Variants in SIN3A observed in about 807,000 individuals in gnomAD.
SIN3A encodes SIN3 transcription regulator family member A, also known as paired amphipathic helix protein Sin3a.
A neutral mutation model predicts 146.1 loss-of-function variants in SIN3A; 14 were observed. The observed-to-expected ratio is 0.10, with a 90% CI of 0.06 to 0.15. The LOEUF (loss-of-function observed/expected upper bound fraction) is 0.15. SIN3A is among the 10% of genes least tolerant of loss of function. SIN3A has a pLI of 1.00. For missense variants in SIN3A, 1,028 were observed against 1,576.0 expected, an observed-to-expected ratio of 0.65 and a Z score of 5.89; for synonymous variants, 572 against 572.0, an observed-to-expected ratio of 1.00 and a Z score of 0.00.
chr15:75,394,663 A>AG lies in SIN3A; in HGVS notation c.2277+16dup. ...TAGACTAGAGTCCTCTCACAGATGC[A>AG]GAAACCCCCCGCTCACCTCATCATA... On this transcript the variant is annotated intron_variant, in intron 14 of 20. Transcript: ENST00000394947. 1 of 1,588,358 alleles carries AG rather than the reference A, an allele frequency of 6.3e-7. No individual in the cohort carries two copies. Among genetic ancestry groups the AG allele is most frequent in the East Asian group, 2.2e-5 (1 of 44,454 alleles).
At chr15:75,430,767 T>C (rs888057874) in intron 1 of SIN3A, among the ~76,000 whole-genome samples, 2 of 152,070 alleles carry the variant, frequency 1.3e-5, no homozygotes, top group African/African-American at 4.8e-5. Context: ...GCTGCAAAAA[T>C]ATTCAAGTGC....
intron 14 of SIN3A, among the ~76,000 whole-genome samples, chr15:75,393,127 G>A (rs1003674454): frequency 6.6e-6 from 1 of 152,180 alleles, no homozygotes; most frequent in African/African-American, 2.4e-5. Flanking sequence ...CCCTTGGGAT[G>A]CTAAGGCAAG....
chr15:75,429,114 T>C (rs1360938544), intron 2 of SIN3A, among the ~76,000 whole-genome samples: 3 of 152,178 alleles, frequency 2.0e-5, no homozygotes, highest in African/African-American at 7.2e-5. Flanking sequence ...ATTTAAGTTT[T>C]AGGGGAGTCA....
At chr15:75,437,978 C>T (rs150888598) in intron 1 of SIN3A, among the ~76,000 whole-genome samples, 2 of 151,932 alleles carry the variant, frequency 1.3e-5, no homozygotes, top group Admixed American at 6.6e-5. Flanking sequence ...AAGATTGCAC[C>T]ACTGCACTCC....
At chr15:75,433,577 G>A (rs529853999) in intron 1 of SIN3A, among the ~76,000 whole-genome samples, 9 of 152,064 alleles carry the variant, frequency 5.9e-5, no homozygotes, top group Middle Eastern at 3.4e-3. Context: ...CTCATAGGCC[G>A]GGCGTGGTGG....
At chr15:75,390,957 T>C (rs1230253094) in intron 15 of SIN3A, among the ~76,000 whole-genome samples, 1 of 152,244 alleles carries the variant, frequency 6.6e-6, no homozygotes, top group East Asian at 1.9e-4. Flanking sequence ...AATTGGTTAC[T>C]TGCTAGTTGT....
At chr15:75,394,195 G>A (rs1315723883) in intron 14 of SIN3A, among the ~76,000 whole-genome samples, 1 of 152,158 alleles carries the variant, frequency 6.6e-6, no homozygotes, top group Non-Finnish European at 1.5e-5. Context: ...CTGCATTTAT[G>A]TTTCTATCCA....
chr15:75,419,071 T>C (rs2073796409), intron 3 of SIN3A: 1 of 152,136 alleles, frequency 6.6e-6, no homozygotes, highest in African/African-American at 2.4e-5. Context: ...GACAAATGGC[T>C]GTTTAAGAGT....
At chr15:75,425,533 T>C (rs1436664007) in intron 2 of SIN3A, among the ~76,000 whole-genome samples, 1 of 152,216 alleles carries the variant, frequency 6.6e-6, no homozygotes, top group East Asian at 1.9e-4. Context: ...ATAAATTTTT[T>C]CCCCCTAATT....
In SIN3A at chr15:75,396,503, A is replaced by T. The variant is rs200704180; in HGVS notation, c.1855-7T>A. 960 of 1,596,888 alleles carry T rather than the reference A, an allele frequency of 6.0e-4. 1 individual carries two copies. The highest frequency in any genetic ancestry group is 3.0e-4 in the Non-Finnish European group (354 of 1,165,432). On this transcript the variant is annotated splice_polypyrimidine_tract_variant and splice_region_variant and intron_variant, in intron 12 of 20. Transcript: ENST00000394947. ...TCTCTAAAACTACATCAAGCTGAAGAGGAAGACAAAGAAGGGTATGCTCAG... is the reference window on the plus strand; with the variant it reads ...TCTCTAAAACTACATCAAGCTGAAGTGGAAGACAAAGAAGGGTATGCTCAG...
intron 17 of SIN3A, among the ~76,000 whole-genome samples, chr15:75,382,114 T>C (rs529572621): frequency 3.9e-5 from 6 of 152,296 alleles, no homozygotes; most frequent in South Asian, 2.1e-4. Flanking sequence ...ATGGAGAAGG[T>C]CAGAGCCTGG....
chr15:75,415,918 G>A (rs1408033983), intron 3 of SIN3A: 1 of 302,284 alleles, frequency 3.3e-6, no homozygotes, highest in Non-Finnish European at 6.4e-6. Context: ...AAGGGAAAAA[G>A]GAAAATGCTG....
At chr15:75,445,759 G>GA (rs774883850) in intron 1 of SIN3A, among the ~76,000 whole-genome samples, 2,213 of 86,500 alleles carry the variant, frequency 0.026, 45 homozygotes, top group African/African-American at 0.071. Flanking sequence ...TCAAAAAAAA[G>GA]AAAAAAAAAA....
At chr15:75,405,309 T>C (rs2073490078) in intron 9 of SIN3A, among the ~76,000 whole-genome samples, 1 of 149,810 alleles carries the variant, frequency 6.7e-6, no homozygotes, top group Admixed American at 6.7e-5. Context: ...GAGGTTGCAC[T>C]GAGCCAAGAT....
chr15:75,416,330 A>C (rs2073736508), intron 3 of SIN3A, among the ~76,000 whole-genome samples: 1 of 152,054 alleles, frequency 6.6e-6, no homozygotes, highest in Non-Finnish European at 1.5e-5. Context: ...GACTTTATTT[A>C]CTTATTTATT....
rs76768003 is a variant in SIN3A at position 75,404,416 on chromosome 15, A to G, written c.1408-2446T>C. On this transcript the variant is annotated intron_variant, in intron 9 of 20. Coordinates refer to ENST00000394947, the MANE Select transcript of SIN3A (RefSeq NM_001145358.2). ...ACCACTGCATTTTAAAGCAAATTCC[A>G]GACATTTCATCTAGATATAGTATAT... Among the ~76,000 whole-genome samples the G allele has an allele frequency of 3.3e-5, 5 of 152,338 alleles. No homozygotes were observed. The East Asian group carries it at 9.6e-4, about 29-fold the overall frequency.
chr15:75,399,523 G>C (rs781130530), intron 12 of SIN3A, among the ~76,000 whole-genome samples: 1 of 150,096 alleles, frequency 6.7e-6, no homozygotes, highest in Non-Finnish European at 1.5e-5. Context: ...GCGAGACTCC[G>C]TCTCAAAAAA....
rs1284735253 is a variant in SIN3A, at chr15:75,392,123, TTA to T, written c.2851+117_2851+118del. The T allele has an allele frequency of 4.3e-4, 394 of 927,042 alleles. 1 individual carries two copies. Among genetic ancestry groups the T allele is most frequent in the African/African-American group, 2.5e-3 (150 of 60,664 alleles). 57.4% of individuals were successfully genotyped at this position (927,042 alleles called of 1,614,324 possible). On this transcript the variant is annotated intron_variant, in intron 15 of 20. Transcript: ENST00000394947. ...TTTCAGATAAACAGGTTCAGAGAGTTTAACTACACAGACTCTAATGCCTGTGC... is the reference window on the plus strand; with the variant it reads ...TTTCAGATAAACAGGTTCAGAGAGTTACTACACAGACTCTAATGCCTGTGC...
At chr15:75,437,242 G>A (rs1393232623) in intron 1 of SIN3A, among the ~76,000 whole-genome samples, 3 of 151,040 alleles carry the variant, frequency 2.0e-5, no homozygotes, top group Non-Finnish European at 2.9e-5. Flanking sequence ...GGGCTATCAC[G>A]GCTCACCGCA....
Sources: gnomAD v4.1 joint callset for allele counts (sites outside exome capture counted in the v4.1 genomes callset) on GRCh38, gnomAD v4.1.1 for gene constraint, MANE v1.5 for transcripts, NCBI Gene and HGNC (gene_info 2026-07-23, HGNC 2026-07-21) for gene names.